Variants in CAMTA1 observed in about 807,000 individuals in gnomAD.
The protein encoded by CAMTA1 is calmodulin-binding transcription activator 1.
Under a neutral mutation model 170.9 loss-of-function variants are expected in CAMTA1, and 27 were observed. The observed-to-expected ratio is 0.16, with a 90% CI of 0.12 to 0.22. CAMTA1 has a LOEUF of 0.22. Ranked by LOEUF, CAMTA1 falls within the 10% of genes least tolerant of loss-of-function variation. The pLI is 1.00. For missense variants in CAMTA1, 1,619 were observed against 2,217.2 expected, an observed-to-expected ratio of 0.73 and a Z score of 5.42; for synonymous variants, 833 against 891.5, an observed-to-expected ratio of 0.93 and a Z score of 1.17.
intron 3 of CAMTA1, among the ~76,000 whole-genome samples, chr1:7,069,993 C>G (rs1638399469): frequency 6.6e-6 from 1 of 152,246 alleles, no homozygotes; most frequent in Non-Finnish European, 1.5e-5. Flanking sequence ...GCCGCGGCCT[C>G]TGGTTCACGT....
intron 11 of CAMTA1, chr1:7,698,556 C>T (rs1045107031): frequency 6.6e-6 from 1 of 152,548 alleles, no homozygotes; most frequent in African/African-American, 2.4e-5. Flanking sequence ...CGTTCCCCAC[C>T]TCAGTGCCTC....
chr1:7,141,999 T>G, intron 4 of CAMTA1: 1 of 465,992 alleles, frequency 2.1e-6, no homozygotes, highest in Non-Finnish European at 4.3e-6. Flanking sequence ...CCCCTGCTTT[T>G]TTCCTGATGT....
chr1:7,027,522 A>C (rs545552050), intron 3 of CAMTA1, among the ~76,000 whole-genome samples: 11 of 152,268 alleles, frequency 7.2e-5, no homozygotes, highest in African/African-American at 2.6e-4. Flanking sequence ...CCACATTTTC[A>C]GGGTACTCCA....
At position 7,064,106 on chromosome 1, in the gene CAMTA1, C is replaced by T. The variant is rs533467929; in HGVS notation, c.235-27198C>T. On this transcript the variant is annotated intron_variant, in intron 3 of 22. Transcript: ENST00000303635. This position sits in a 1 kb window ranked among gnomAD's most constrained non-coding sequence, Gnocchi z 5.4. Reference sequence around the variant, plus strand: ...CTCCTCCTTCTTCTCCTCCTTCTCTCCTTCCCTCCTCCTCCTTCTTCTTCT... The same window carrying T: ...CTCCTCCTTCTTCTCCTCCTTCTCTTCTTCCCTCCTCCTCCTTCTTCTTCT... Among the ~76,000 whole-genome samples the T allele has an allele frequency of 1.3e-5, 2 of 151,170 alleles. No individual in the cohort carries two copies. Among genetic ancestry groups the T allele is most frequent in the East Asian group, 3.9e-4 (2 of 5,118 alleles).
intron 3 of CAMTA1, among the ~76,000 whole-genome samples, chr1:6,956,930 G>GT (rs1332330567): frequency 6.6e-6 from 1 of 152,234 alleles, no homozygotes; most frequent in Non-Finnish European, 1.5e-5. Context: ...TAGTTAGTTA[G>GT]TAGCGGTCGG....
intron 1 of CAMTA1, among the ~76,000 whole-genome samples, chr1:6,802,666 C>T (rs1296183499): frequency 1.3e-5 from 2 of 152,050 alleles, no homozygotes; most frequent in Non-Finnish European, 2.9e-5. Context: ...GTCAGCCAGC[C>T]TGGGTGTGTG....
intron 6 of CAMTA1, among the ~76,000 whole-genome samples, chr1:7,514,187 T>G (rs1444109715): frequency 6.6e-6 from 1 of 152,124 alleles, no homozygotes; most frequent in Non-Finnish European, 1.5e-5. Flanking sequence ...CTGGCTCAGA[T>G]CTCCATGCCT....
Position 7,404,234 on chromosome 1 carries a change from G to A in CAMTA1, c.439-63596G>A, listed in dbSNP as rs377479895. Among the ~76,000 whole-genome samples the A allele has an allele frequency of 4.1e-4, 62 of 152,304 alleles. 1 individual carries two copies. Among genetic ancestry groups the A allele is most frequent in the African/African-American group, 1.3e-3 (52 of 41,572 alleles). On this transcript the variant is annotated intron_variant, in intron 5 of 22. Transcript: ENST00000303635. ...AACGAGCTCGCCACGCTCTGGACCC[G>A]TTTCTGAACCTCTTTCTGGGGTTGG...
chr1:7,455,038 G>A lies in CAMTA1; in HGVS notation c.439-12792G>A, dbSNP rs1279127393. The stretch of plus-strand genomic sequence containing the variant: ...CCCTGCTCCGTGCCAGAGCCTCGGA[G>A]GTTCCGATGCACTCAGGGCCCTGGG... On this transcript the variant is annotated intron_variant, in intron 5 of 22. Transcript: ENST00000303635. The surrounding 1 kb of genome is among the most constrained non-coding windows in gnomAD (Gnocchi z 5.0). Among the ~76,000 whole-genome samples the A allele has an allele frequency of 6.6e-6, 1 of 152,234 alleles. No homozygotes were observed. The highest frequency in any genetic ancestry group is 1.9e-4 in the East Asian group (1 of 5,184).
intron 11 of CAMTA1, among the ~76,000 whole-genome samples, chr1:7,714,062 A>T (rs1262613636): frequency 2.0e-5 from 3 of 152,150 alleles, no homozygotes; most frequent in African/African-American, 7.2e-5. Context: ...TCCACCACGA[A>T]TTGTGGAAAG....
chr1:7,242,917 G>A lies in CAMTA1; in HGVS notation c.303-6574G>A, dbSNP rs184556409. Among the ~76,000 whole-genome samples the A allele has an allele frequency of 3.8e-3, 574 of 152,050 alleles. 5 individuals are homozygous for A. Among genetic ancestry groups the A allele is most frequent in the African/African-American group, 0.013 (542 of 41,472 alleles). On this transcript the variant is annotated intron_variant, in intron 4 of 22. Coordinates refer to ENST00000303635, the MANE Select transcript of CAMTA1 (RefSeq NM_015215.4). ...GCGGAGCTTGCAGTGAGCCGAGATC[G>A]CACCATTGCACTCCAGCCTGGGCGA...
At chr1:7,385,541 C>G (rs1357040955) in intron 5 of CAMTA1, among the ~76,000 whole-genome samples, 1 of 152,168 alleles carries the variant, frequency 6.6e-6, no homozygotes. Context: ...GGGAGCCAGA[C>G]AGGCCAGGGA....
intron 6 of CAMTA1, among the ~76,000 whole-genome samples, chr1:7,600,798 G>T (rs913340620): frequency 4.0e-5 from 6 of 151,804 alleles, no homozygotes; most frequent in African/African-American, 1.5e-4. Flanking sequence ...CAGGGTTGGG[G>T]GTAAGGTCAC....
chr1:7,670,919 G>A lies in CAMTA1; in HGVS notation c.2661G>A (p.Val887=). 3 of 1,613,738 alleles carry A rather than the reference G, an allele frequency of 1.9e-6. No individual in the cohort carries two copies. Among genetic ancestry groups the A allele is most frequent in the African/African-American group, 1.3e-5 (1 of 75,056 alleles). Residue 887 remains valine, a synonymous_variant, in exon 10 of 23, where the codon GTG becomes GTA. Coordinates refer to ENST00000303635, the MANE Select transcript of CAMTA1 (RefSeq NM_015215.4). The part of the protein sequence containing the change: ...SPEWSYPEGG[V]KVLITGPWQE... ...CTCTCTGTTCTCTGCAGGGAGGAGT[G>A]AAGGTCCTCATCACAGGCCCGTGGC...
intron 3 of CAMTA1, among the ~76,000 whole-genome samples, chr1:6,923,914 G>A (rs1682551630): frequency 6.6e-6 from 1 of 152,194 alleles, no homozygotes; most frequent in South Asian, 2.1e-4. Context: ...GCAAAAGGAA[G>A]GGGAAAAACA....
chr1:7,310,729 TCTTTCTTTCTTTC>T (rs1557492168), intron 5 of CAMTA1, among the ~76,000 whole-genome samples: 32 of 95,018 alleles, frequency 3.4e-4, no homozygotes, highest in Non-Finnish European at 4.9e-4. Context: ...TTTCTTTCTT[TCTTTCTTTCTTTC>T]TTTTTTTTAA....
At chr1:7,402,567 T>C (rs1418470041) in intron 5 of CAMTA1, among the ~76,000 whole-genome samples, 1 of 152,206 alleles carries the variant, frequency 6.6e-6, no homozygotes, top group Non-Finnish European at 1.5e-5. Context: ...GCAGTCGTGA[T>C]GGGGGCTTAA....
intron 3 of CAMTA1, among the ~76,000 whole-genome samples, chr1:7,024,124 T>C (rs1016934065): frequency 6.7e-6 from 1 of 149,914 alleles, no homozygotes; most frequent in African/African-American, 2.5e-5. Context: ...TTTAGGGAAG[T>C]AAAGGCGGAA....
At chr1:7,447,833 C>T (rs971194736) in intron 5 of CAMTA1, among the ~76,000 whole-genome samples, 3 of 152,174 alleles carry the variant, frequency 2.0e-5, no homozygotes, top group African/African-American at 4.8e-5. Context: ...CAGGTGGGCT[C>T]GCTGCTGAAC....
Sources: gnomAD v4.1 joint callset for allele counts (sites outside exome capture counted in the v4.1 genomes callset) on GRCh38, gnomAD v4.1.1 for gene constraint, Gnocchi (gnomAD v3.1) non-coding constraint, MANE v1.5 for transcripts, NCBI Gene and HGNC (gene_info 2026-07-23, HGNC 2026-07-21) for gene names.